Variants in DOCK3 observed in about 807,000 individuals in gnomAD.
The protein encoded by DOCK3 is dedicator of cytokinesis protein 3.
Under a neutral mutation model 265.6 loss-of-function variants are expected in DOCK3, and 60 were observed. The ratio of observed to expected loss-of-function variants is 0.23; its 90% CI spans 0.18 to 0.28. DOCK3 has a LOEUF of 0.28. DOCK3 is among the 10% of genes least tolerant of loss of function. DOCK3 has a pLI of 1.00. For missense variants in DOCK3, 1,981 were observed against 2,594.3 expected (o/e 0.76, Z 5.14); for synonymous variants, 881 against 938.0 (o/e 0.94, Z 1.11).
intron 5 of DOCK3, among the ~76,000 whole-genome samples, chr3:51,019,291 G>A (rs191554645): frequency 2.6e-5 from 4 of 151,896 alleles, no homozygotes; most frequent in African/African-American, 7.3e-5. Context: ...TTGAATTTTA[G>A]TCATGGAAAT....
chr3:51,333,853 ATT>A (rs112903403), intron 35 of DOCK3, among the ~76,000 whole-genome samples: 5 of 144,550 alleles, frequency 3.5e-5, no homozygotes, highest in South Asian at 2.2e-4. Flanking sequence ...TGGAATAAGA[ATT>A]TTTTTTTTTT....
intron 5 of DOCK3, among the ~76,000 whole-genome samples, chr3:50,947,523 TGTATG>T (rs2076460055): frequency 6.6e-6 from 1 of 152,174 alleles, no homozygotes; most frequent in Non-Finnish European, 1.5e-5. Flanking sequence ...TCAGTATAGT[TGTATG>T]GGAACAAAAT....
rs193043538 is a variant in DOCK3, at chr3:51,190,981, G to A, written c.1038-17793G>A. Among the ~76,000 whole-genome samples the A allele has an allele frequency of 1.3e-3, 196 of 152,254 alleles. 1 individual carries two copies. Among genetic ancestry groups the A allele is most frequent in the Middle Eastern group, 6.8e-3 (2 of 294 alleles). On this transcript the variant is annotated intron_variant, in intron 12 of 52. Coordinates refer to ENST00000266037, the MANE Select transcript of DOCK3 (RefSeq NM_004947.5). ...GCCTCTGCTGCACAGAAGAGATTTC[G>A]GAAGGAATGGAAAGTAGTAGGTGAG... is the stretch of plus-strand genomic sequence containing the variant.
chr3:51,111,206 C>G (rs1330691849), intron 9 of DOCK3, among the ~76,000 whole-genome samples: 4 of 152,080 alleles, frequency 2.6e-5, no homozygotes, highest in Non-Finnish European at 5.9e-5. Context: ...GAAAAACATT[C>G]CATGCTCATG....
chr3:50,761,155 A>C (rs1366511476), intron 1 of DOCK3, among the ~76,000 whole-genome samples: 2 of 152,066 alleles, frequency 1.3e-5, no homozygotes, highest in Non-Finnish European at 2.9e-5. Context: ...ATTTTTTAAA[A>C]ATTTAGCTTT....
chr3:50,797,543 G>T (rs563470419), intron 2 of DOCK3, among the ~76,000 whole-genome samples: 1 of 152,196 alleles, frequency 6.6e-6, no homozygotes. Context: ...CACTGCAGAG[G>T]CTTCTCTGCT....
chr3:51,235,711 T>TTCC (rs1385518926), intron 19 of DOCK3, among the ~76,000 whole-genome samples: 1 of 152,226 alleles, frequency 6.6e-6, no homozygotes, highest in East Asian at 1.9e-4. Context: ...TGTCCATCAA[T>TTCC]ATTTATTATT....
intron 4 of DOCK3, among the ~76,000 whole-genome samples, chr3:50,910,355 T>G (rs563330718): frequency 1.3e-5 from 2 of 152,182 alleles, no homozygotes; most frequent in South Asian, 2.1e-4. Flanking sequence ...GCAGTGCAGC[T>G]CAGGGAGAGA....
intron 3 of DOCK3, among the ~76,000 whole-genome samples, chr3:50,867,923 G>A (rs561411527): frequency 1.3e-5 from 2 of 152,072 alleles, no homozygotes; most frequent in Non-Finnish European, 2.9e-5. Flanking sequence ...TGGTATTAGA[G>A]TAATATTGGC....
At chr3:51,174,283 C>A (rs2086831148) in intron 12 of DOCK3, among the ~76,000 whole-genome samples, 1 of 152,030 alleles carries the variant, frequency 6.6e-6, no homozygotes, top group Non-Finnish European at 1.5e-5. Context: ...TGGCAAAACT[C>A]TGTCTCTACT....
At chr3:50,970,949 T>TA (rs2077210438) in intron 5 of DOCK3, among the ~76,000 whole-genome samples, 1 of 24,448 alleles carries the variant, frequency 4.1e-5, no homozygotes, top group African/African-American at 1.3e-4. Flanking sequence ...ATATATATAA[T>TA]GTGTGTGTGT....
intron 1 of DOCK3, among the ~76,000 whole-genome samples, chr3:50,680,748 A>G (rs2034352301): frequency 6.6e-6 from 1 of 151,666 alleles, no homozygotes; most frequent in Non-Finnish European, 1.5e-5. Flanking sequence ...TGGCCTCAAG[A>G]GACCCTCCCT....
rs1051507249 is a variant in DOCK3, at chr3:50,776,431, A to ATT, written c.38-2235_38-2234dup. ...TGTCCTTTTTCCAGTTTTTTATGTGATTTTTTTTTTCTTGCTGATTTGAGT... is the reference window on the plus strand; with the variant it reads ...TGTCCTTTTTCCAGTTTTTTATGTGATTTTTTTTTTTTCTTGCTGATTTGAGT... On this transcript the variant is annotated intron_variant, in intron 1 of 52. Transcript: ENST00000266037. 2.8e-5 allele frequency among the ~76,000 whole-genome samples: 4 copies of ATT among 142,306 alleles called. 1 individual carries two copies. The highest frequency in any genetic ancestry group is 6.6e-3 in the Middle Eastern group (2 of 302). The allele number at this position is 142,306 out of a possible 152,430, so 93.4% of individuals were successfully genotyped here. A position where few individuals can be genotyped will look rare whatever the true frequency, so the allele number is the denominator to read the frequency against.
intron 1 of DOCK3, among the ~76,000 whole-genome samples, chr3:50,701,875 A>G (rs1180674287): frequency 6.6e-6 from 1 of 152,150 alleles, no homozygotes; most frequent in Non-Finnish European, 1.5e-5. Context: ...AGTTGGCTGT[A>G]AATAGGTGGA....
intron 32 of DOCK3, among the ~76,000 whole-genome samples, chr3:51,318,042 A>G (rs2083470411): frequency 6.6e-6 from 1 of 152,120 alleles, no homozygotes. Context: ...CGATATCTAT[A>G]ACATTCCTGC....
At chr3:51,259,496 C>T (rs2079737867) in intron 22 of DOCK3, among the ~76,000 whole-genome samples, 1 of 152,144 alleles carries the variant, frequency 6.6e-6, no homozygotes, top group Non-Finnish European at 1.5e-5. Flanking sequence ...TCCTCAGAAT[C>T]AGATTCTGCT....
At chr3:50,975,802 T>C (rs1275792887) in intron 5 of DOCK3, among the ~76,000 whole-genome samples, 1 of 151,916 alleles carries the variant, frequency 6.6e-6, no homozygotes, top group Non-Finnish European at 1.5e-5. Context: ...AGCTATTGAT[T>C]ATTGCCACAA....
At chr3:51,149,337 C>T (rs2085461344) in intron 10 of DOCK3, among the ~76,000 whole-genome samples, 1 of 152,142 alleles carries the variant, frequency 6.6e-6, no homozygotes, top group Non-Finnish European at 1.5e-5. Flanking sequence ...TTATTTCTTT[C>T]TCTTGCCTGA....
At chr3:50,768,613 T>A (rs1385864602) in intron 1 of DOCK3, among the ~76,000 whole-genome samples, 2 of 152,202 alleles carry the variant, frequency 1.3e-5, no homozygotes, top group African/African-American at 4.8e-5. Flanking sequence ...CTGAATAGTA[T>A]TCTATTGTGT....
Sources: gnomAD v4.1 joint callset for allele counts (sites outside exome capture counted in the v4.1 genomes callset) on GRCh38, gnomAD v4.1.1 for gene constraint, MANE v1.5 for transcripts, NCBI Gene and HGNC (gene_info 2026-07-23, HGNC 2026-07-21) for gene names.